KIAA1958: variants seen among roughly 807,000 people sequenced by gnomAD.
KIAA1958 encodes KIAA1958.
KIAA1958 carries 14 observed loss-of-function variants against 47.2 expected under a neutral mutation model. That is an observed-to-expected ratio of 0.30 (90% confidence interval 0.20 to 0.46). KIAA1958 has a LOEUF of 0.46. KIAA1958 is among the 20% of genes least tolerant of loss of function. The pLI is 1.00. For missense variants in KIAA1958, 803 were observed against 909.2 expected, an observed-to-expected ratio of 0.88 and a Z score of 1.50; for synonymous variants, 354 against 353.3, an observed-to-expected ratio of 1.00 and a Z score of -0.02.
intron 1 of KIAA1958, among the ~76,000 whole-genome samples, chr9:112,530,399 A>G (rs1212710929): frequency 6.6e-6 from 1 of 152,118 alleles, no homozygotes; most frequent in Admixed American, 6.6e-5. Flanking sequence ...ATTTTCTGGT[A>G]CTATTAGGTG....
chr9:112,565,811 A>G (rs1835418479), intron 1 of KIAA1958, among the ~76,000 whole-genome samples: 1 of 152,220 alleles, frequency 6.6e-6, no homozygotes, highest in African/African-American at 2.4e-5. Flanking sequence ...TTTTCATTTT[A>G]TGGTACTCAA....
At chr9:112,624,187 C>A (rs938735625) in intron 2 of KIAA1958, among the ~76,000 whole-genome samples, 1 of 152,164 alleles carries the variant, frequency 6.6e-6, no homozygotes, top group African/African-American at 2.4e-5. Flanking sequence ...AAAGAATTAG[C>A]AAGTTCTCTA....
intron 1 of KIAA1958, among the ~76,000 whole-genome samples, chr9:112,571,079 G>T (rs1457532757): frequency 7.0e-6 from 1 of 143,786 alleles, no homozygotes; most frequent in Non-Finnish European, 1.5e-5. Context: ...ATTAGATGGT[G>T]CCCGCCAATA....
chr9:112,545,915 G>A (rs1281922464), intron 1 of KIAA1958, among the ~76,000 whole-genome samples: 1 of 133,864 alleles, frequency 7.5e-6, no homozygotes, highest in East Asian at 2.4e-4. Context: ...TATTATTGAT[G>A]TATGAAATAC....
intron 1 of KIAA1958, among the ~76,000 whole-genome samples, chr9:112,542,740 A>C (rs1455471951): frequency 6.6e-6 from 1 of 152,188 alleles, no homozygotes; most frequent in Non-Finnish European, 1.5e-5. Flanking sequence ...CTGCCCTGGG[A>C]AAACCAAGAC....
chr9:112,618,958 G>A lies in KIAA1958; in HGVS notation c.1172-26692G>A, dbSNP rs942601956. On this transcript the variant is annotated intron_variant, in intron 2 of 3. Coordinates refer to ENST00000337530, the MANE Select transcript of KIAA1958 (RefSeq NM_133465.4). The surrounding 1 kb of genome is among the most constrained non-coding windows in gnomAD (Gnocchi z 7.1). ...AGACTCCAGTTTGGTTACTGTGTCC[G>A]GAGAAACTGTGATTATACACCGCTT... 8 of 1,485,538 alleles carry A rather than the reference G, an allele frequency of 5.4e-6. No individual in the cohort carries two copies. The highest frequency in any genetic ancestry group is 5.4e-6 in the Non-Finnish European group (6 of 1,110,468). The allele number at this position is 1,485,538 out of a possible 1,614,324, so 92.0% of individuals were successfully genotyped here. A position where few individuals can be genotyped will look rare whatever the true frequency, so the allele number is the denominator to read the frequency against.
chr9:112,561,256 G>A (rs569126924), intron 1 of KIAA1958, among the ~76,000 whole-genome samples: 48 of 151,914 alleles, frequency 3.2e-4, no homozygotes, highest in Middle Eastern at 3.4e-3. Context: ...GGGTTTCACC[G>A]TGTTAGCCAG....
At chr9:112,487,494 A>G (rs1344352827) in intron 1 of KIAA1958, among the ~76,000 whole-genome samples, 5 of 151,884 alleles carry the variant, frequency 3.3e-5, no homozygotes, top group Non-Finnish European at 7.4e-5. Flanking sequence ...CGGAGGTGGG[A>G]AGGAGGGCGG....
intron 2 of KIAA1958, among the ~76,000 whole-genome samples, chr9:112,619,529 G>C (rs963058918): frequency 2.0e-5 from 3 of 152,054 alleles, no homozygotes; most frequent in African/African-American, 7.2e-5. Flanking sequence ...TGAGAATCTA[G>C]ATGTTTAGCT....
chr9:112,588,174 T>C (rs1020629284), intron 2 of KIAA1958, among the ~76,000 whole-genome samples: 3 of 152,234 alleles, frequency 2.0e-5, no homozygotes, highest in African/African-American at 7.2e-5. Context: ...CTTTTCTGCT[T>C]TATCCATAGG....
chr9:112,511,064 G>A (rs1255967826), intron 1 of KIAA1958, among the ~76,000 whole-genome samples: 1 of 152,132 alleles, frequency 6.6e-6, no homozygotes, highest in Non-Finnish European at 1.5e-5. Context: ...CTGAGAGCAT[G>A]TGGAAATTAT....
chr9:112,562,635 G>C (rs1051633521), intron 1 of KIAA1958, among the ~76,000 whole-genome samples: 2 of 152,134 alleles, frequency 1.3e-5, no homozygotes, highest in Non-Finnish European at 2.9e-5. Flanking sequence ...TTTTATCTGC[G>C]TTGGTCAGTG....
At chr9:112,638,988 A>G (rs1049867105) in intron 2 of KIAA1958, among the ~76,000 whole-genome samples, 7 of 152,130 alleles carry the variant, frequency 4.6e-5, no homozygotes, top group African/African-American at 1.7e-4. Flanking sequence ...TACAGAGAAC[A>G]TTTTTTTCTC....
At chr9:112,523,866 G>C (rs774176429) in intron 1 of KIAA1958, among the ~76,000 whole-genome samples, 3 of 152,030 alleles carry the variant, frequency 2.0e-5, no homozygotes, top group Non-Finnish European at 2.9e-5. Context: ...CTTACTTTGG[G>C]GCCATAGTTT....
chr9:112,655,073 TAC>T (rs754831933), intron 3 of KIAA1958, among the ~76,000 whole-genome samples: 3 of 152,198 alleles, frequency 2.0e-5, no homozygotes, highest in Non-Finnish European at 4.4e-5. Flanking sequence ...TTCATTTGGG[TAC>T]AGTTTTTCTA....
chr9:112,505,122 G>C (rs1834211596), intron 1 of KIAA1958, among the ~76,000 whole-genome samples: 1 of 152,016 alleles, frequency 6.6e-6, no homozygotes, highest in Non-Finnish European at 1.5e-5. Context: ...TAGCTTCCAT[G>C]TATAAGAATA....
chr9:112,624,432 G>C (rs1588044535), intron 2 of KIAA1958, among the ~76,000 whole-genome samples: 1 of 152,274 alleles, frequency 6.6e-6, no homozygotes. Context: ...GATGAAGCTA[G>C]GATAATTTTA....
At chr9:112,604,531 C>G (rs1836190442) in intron 2 of KIAA1958, among the ~76,000 whole-genome samples, 1 of 152,160 alleles carries the variant, frequency 6.6e-6, no homozygotes, top group Non-Finnish European at 1.5e-5. Context: ...GTCACCTATA[C>G]CTTCTTTAAG....
intron 1 of KIAA1958, among the ~76,000 whole-genome samples, chr9:112,524,314 G>A (rs1212255633): frequency 6.6e-6 from 1 of 152,248 alleles, no homozygotes; most frequent in Non-Finnish European, 1.5e-5. Flanking sequence ...ACTCTCTTTT[G>A]TGTATTGAAC....
Sources: allele counts gnomAD v4.1 joint callset (sites outside exome capture counted in the v4.1 genomes callset), GRCh38; gene constraint gnomAD v4.1.1; non-coding constraint Gnocchi (gnomAD v3.1); transcripts MANE v1.5; gene names NCBI Gene and HGNC (gene_info 2026-07-23, HGNC 2026-07-21).